DMTN: variants seen among roughly 807,000 people sequenced by gnomAD.
DMTN encodes dematin actin binding protein.
In DMTN, 27 loss-of-function variants were observed where a neutral mutation model predicts 59.4. That is an observed-to-expected ratio of 0.45 (90% CI 0.33 to 0.63). DMTN has a LOEUF of 0.63. Among genes scored for constraint, DMTN ranks in the 20% least tolerant of loss-of-function variants. The pLI, the probability that DMTN is intolerant of heterozygous loss-of-function variation, is 0.02. For synonymous variants in DMTN, 221 were observed against 203.7 expected (o/e 1.08, Z -0.72); for missense variants, 451 against 528.9 (o/e 0.85, Z 1.45).
In DMTN at chr8:22,081,137, G is replaced by T. The variant is rs1824012713; in HGVS notation, c.1048G>T (p.Val350Leu). ...GATCTATCCCTATGAAATGCTAGTG[G>T]TGACCAACAAGGGGCGAACCAAGCT... Reference protein sequence around the residue: ...QKIYPYEMLVVTNKGRTKLPP... With the variant: ...QKIYPYEMLVLTNKGRTKLPP... The change falls in exon 15 of 16, where the codon GTG becomes TTG. Residue 350 changes from valine (V) to leucine (L), a missense_variant. Physicochemically the swap from Val to Leu is conservative, Grantham distance 32. Coordinates refer to ENST00000358242, the MANE Select transcript of DMTN (RefSeq NM_001387751.1). The T allele has an allele frequency of 3.7e-6, 6 of 1,611,498 alleles. No homozygotes were observed. Among genetic ancestry groups the T allele is most frequent in the Non-Finnish European group, 5.1e-6 (6 of 1,179,322 alleles).
At chr8:22,070,406 C>T (rs1563475074) in intron 8 of DMTN, 72 bp downstream of exon 8, 1 of 1,514,024 alleles carries the variant, frequency 6.6e-7, no homozygotes, top group African/African-American at 1.4e-5. Context: ...GCTCTTGCTG[C>T]AGTCCGTGAA....
chr8:22,080,225 G>T lies in DMTN; in HGVS notation c.881G>T (p.Gly294Val). The change falls in exon 11 of 16, where the codon GGC (glycine) becomes GTC (valine). Residue 294 changes from glycine to valine, a missense_variant. Physicochemically the swap from Gly to Val is moderately radical, Grantham distance 109 (BLOSUM62 -3). Transcript: ENST00000358242. The part of the protein sequence containing the change: ...TSKSSSLPAY[G>V]RTTLSRLQST... ...AAATCTTCCTCTCTCCCCGCCTATG[G>T]CAGGACCACCCTGAGCCGGGTAAGG... The T allele has an allele frequency of 6.2e-7, 1 of 1,614,228 alleles. No homozygotes were observed. The highest frequency in any genetic ancestry group is 8.5e-7 in the Non-Finnish European group (1 of 1,180,050).
intron 14 of DMTN, 21 bp from the exon 15 acceptor site, chr8:22,081,092 T>TGGGGGGGGGGGGGGGGGCGGGGGGGGG: frequency 1.3e-6 from 2 of 1,547,314 alleles, no homozygotes; most frequent in Non-Finnish European, 1.8e-6. Context: ...AGCCTAAGAT[T>TGGGGGGGGGGGGGGGGGCGGGGGGGGG]GCCCCTCCCC....
chr8:22,051,506 TGCTATG>T (rs1801350279), upstream of DMTN, among the ~76,000 whole-genome samples: 1 of 152,118 alleles, frequency 6.6e-6, no homozygotes. Flanking sequence ...CCCAAGCGCT[TGCTATG>T]GCAAAGAACC....
chr8:22,054,836 G>A (rs1046887212), upstream of DMTN: 6 of 152,184 alleles, frequency 3.9e-5, no homozygotes, highest in Non-Finnish European at 7.4e-5. Context: ...AAGAGGCAGC[G>A]GGAGGCACAG....
At chr8:22,072,299 C>T in intron 8 of DMTN, 27 bp from the exon 9 acceptor site, 1 of 1,583,800 alleles carries the variant, frequency 6.3e-7, no homozygotes, top group Non-Finnish European at 8.6e-7. Flanking sequence ...GAGTGACTCC[C>T]TCCCCACCTT....
upstream of DMTN, among the ~76,000 whole-genome samples, chr8:22,049,597 C>T (rs1165628401): frequency 7.1e-6 from 1 of 141,224 alleles, no homozygotes; most frequent in African/African-American, 2.6e-5. Context: ...CCCACCAGGT[C>T]AGCTCTTCAG....
At chr8:22,067,029 G>A (rs1380427706) in intron 2 of DMTN, 56 bp from the exon 3 acceptor site, 44 of 1,062,224 alleles carry the variant, frequency 4.1e-5, no homozygotes, top group East Asian at 3.0e-4. Context: ...GGCCGCCCCC[G>A]CCCCGCTCCC....
At chr8:22,077,836 G>A (rs1467345371) in intron 10 of DMTN, among the ~76,000 whole-genome samples, 1 of 152,098 alleles carries the variant, frequency 6.6e-6, no homozygotes, top group South Asian at 2.1e-4. Context: ...TGGAACACAC[G>A]TAAGCATTTT....
intron 10 of DMTN, 73 bp downstream of exon 10, chr8:22,073,908 G>A (rs1429880584): frequency 2.3e-6 from 3 of 1,292,988 alleles, no homozygotes; most frequent in African/African-American, 2.9e-5. Context: ...CTGTTGACTT[G>A]TGACACATAC....
At chr8:22,069,630 A>G in intron 6 of DMTN, 112 bp downstream of exon 6, 1 of 986,888 alleles carries the variant, frequency 1.0e-6, no homozygotes, top group Non-Finnish European at 1.5e-6. Context: ...CCTCAGGGCT[A>G]AGTAGGCCCC....
intron 10 of DMTN, 95 bp downstream of exon 10, chr8:22,073,930 C>A: frequency 3.0e-6 from 3 of 997,654 alleles, no homozygotes; most frequent in Admixed American, 2.0e-5. Context: ...GGATGCAATC[C>A]CTGACCCAAA....
At position 22,058,398 on chromosome 8, in the gene DMTN, A is replaced by T. The variant is rs1803935319; in HGVS notation, c.-172+1262A>T. 1.3e-5 allele frequency among the ~76,000 whole-genome samples: 2 copies of T among 152,108 alleles called. No homozygotes were observed. Among genetic ancestry groups the T allele is most frequent in the African/African-American group, 4.8e-5 (2 of 41,418 alleles). ...CCAGCTCTGCCAGTCCCACTTGTAC[A>T]ACAGGACCAGCTATAAATGGAGGGG... On this transcript the variant is annotated intron_variant, in intron 1 of 15. Transcript: ENST00000358242. The surrounding 1 kb of genome is among the most constrained non-coding windows in gnomAD (Gnocchi z 4.3).
In DMTN at chr8:22,070,190, G is replaced by A; in HGVS notation, c.460G>A (p.Gly154Arg). The A allele has an allele frequency of 1.3e-6, 2 of 1,591,936 alleles. No individual in the cohort carries two copies. The highest frequency in any genetic ancestry group is 1.7e-6 in the Non-Finnish European group (2 of 1,167,744). The change falls in exon 8 of 16, where the codon GGA becomes AGA. Residue 154 changes from glycine (G) to arginine (R), a missense_variant. Gly to Arg is a moderately radical substitution (Grantham distance 125). Transcript: ENST00000358242. ...PPIYKQRESV[G>R]GSPQTKHLIE... Reference sequence around the variant, plus strand: ...CTGGCCTTTGTCTGCAGAGTCCGTGGGAGGCAGCCCTCAGACCAAGCACCT... The same window carrying A: ...CTGGCCTTTGTCTGCAGAGTCCGTGAGAGGCAGCCCTCAGACCAAGCACCT...
At chr8:22,079,445 C>T (rs530681584) in intron 10 of DMTN, among the ~76,000 whole-genome samples, 1 of 150,936 alleles carries the variant, frequency 6.6e-6, no homozygotes, top group East Asian at 2.0e-4. Context: ...ACGGAGACCC[C>T]ATCTCAAAAA....
chr8:22,068,817 G>A (rs1872226), intron 4 of DMTN, among the ~76,000 whole-genome samples, 199 bp from the exon 5 acceptor site: 3,406 of 152,248 alleles, frequency 0.022, 115 homozygotes, highest in African/African-American at 0.07. Context: ...AGGCTCGCGT[G>A]CTTCTCTGTG....
chr8:22,071,087 TTTATTTA>T (rs149727099), intron 8 of DMTN, among the ~76,000 whole-genome samples: 105,541 of 131,754 alleles, frequency 0.8, 39,825 homozygotes, highest in East Asian at 0.97. Context: ...TTTTATTTTA[TTTATTTA>T]TTTATTTATT....
chr8:22,081,227 GC>G, intron 15 of DMTN, 34 bp downstream of exon 15: 1 of 1,612,432 alleles, frequency 6.2e-7, no homozygotes, highest in Non-Finnish European at 8.5e-7. Flanking sequence ...TGGGTGCGGG[GC>G]TGTCCACGGG....
Position 22,060,914 on chromosome 8 carries a change from TC to T in DMTN, c.-172+3779del, listed in dbSNP as rs1404717657. On this transcript the variant is annotated intron_variant, in intron 1 of 15. Coordinates refer to ENST00000358242, the MANE Select transcript of DMTN (RefSeq NM_001387751.1). This position sits in a 1 kb window ranked among gnomAD's most constrained non-coding sequence, Gnocchi z 5.0. Reference sequence around the variant, plus strand: ...TTAACTTGTTCAAGTCTCAACTTCTTCATGTGCAAACGAGGTACTCGCCAAT... The same window carrying T: ...TTAACTTGTTCAAGTCTCAACTTCTTATGTGCAAACGAGGTACTCGCCAAT... Among the ~76,000 whole-genome samples, 1 of 152,168 alleles carries T rather than the reference TC, an allele frequency of 6.6e-6. No individual in the cohort carries two copies. The highest frequency in any genetic ancestry group is 1.5e-5 in the Non-Finnish European group (1 of 68,026).
Sources: gnomAD v4.1 joint callset for allele counts (sites outside exome capture counted in the v4.1 genomes callset) on GRCh38, gnomAD v4.1.1 for gene constraint, Gnocchi (gnomAD v3.1) non-coding constraint, MANE v1.5 for transcripts, NCBI Gene and HGNC (gene_info 2026-07-23, HGNC 2026-07-21) for gene names.